The following SLC43A2 variants were observed in gnomAD, a reference collection of about 807,000 sequenced individuals.
SLC43A2 encodes solute carrier family 43 member 2, also known as large neutral amino acids transporter small subunit 4.
A neutral mutation model predicts 63.2 loss-of-function variants in SLC43A2; 38 were observed. That is an observed-to-expected ratio of 0.60 (90% CI 0.46 to 0.79). The LOEUF (loss-of-function observed/expected upper bound fraction) is 0.79, where lower values mean the gene tolerates loss of function less well. Ranked by LOEUF, SLC43A2 falls within the 30% of genes least tolerant of loss-of-function variation. SLC43A2 has a pLI of 0.00. For missense variants in SLC43A2, 644 were observed against 756.2 expected, an observed-to-expected ratio of 0.85 and a Z score of 1.74; for synonymous variants, 322 against 331.0, an observed-to-expected ratio of 0.97 and a Z score of 0.30.
intron 5 of SLC43A2, among the ~76,000 whole-genome samples, chr17:1,608,449 A>G (rs1267910421): frequency 6.6e-6 from 1 of 151,820 alleles, no homozygotes; most frequent in Non-Finnish European, 1.5e-5. Context: ...GCTGGAGTGC[A>G]GTGGTGCGAT....
In SLC43A2 at chr17:1,575,574, C is replaced by G; in HGVS notation, c.*30G>C. The G allele has an allele frequency of 6.2e-7, 1 of 1,613,918 alleles. No homozygotes were observed. The highest frequency in any genetic ancestry group is 8.5e-7 in the Non-Finnish European group (1 of 1,179,934). On this transcript the variant is annotated 3_prime_UTR_variant, in exon 14 of 14. Transcript: ENST00000301335. ...CAGGGGTCAGTCACTGAAGCACAGG[C>G]AGGAGACCGCAGTTCCGAGGCGGCA... is the stretch of plus-strand genomic sequence containing the variant.
chr17:1,620,865 A>G (rs1226825035), intron 2 of SLC43A2, among the ~76,000 whole-genome samples: 1 of 152,002 alleles, frequency 6.6e-6, no homozygotes, highest in Non-Finnish European at 1.5e-5. Flanking sequence ...AGCACCCAGG[A>G]AGTGCCAAGG....
At chr17:1,592,080 C>G (rs560887287) in intron 6 of SLC43A2, among the ~76,000 whole-genome samples, 2 of 152,264 alleles carry the variant, frequency 1.3e-5, no homozygotes, top group South Asian at 4.1e-4. Flanking sequence ...CGGCCAGCCC[C>G]GTCCACTGAT....
At chr17:1,584,589 G>A (rs181770176) in intron 10 of SLC43A2, among the ~76,000 whole-genome samples, 9 of 152,188 alleles carry the variant, frequency 5.9e-5, no homozygotes, top group Admixed American at 2.6e-4. Context: ...CGAGGCAAGC[G>A]GATCACAAGA....
chr17:1,586,928 T>TTGGCCCCCC, intron 9 of SLC43A2: 1 of 1,232,916 alleles, frequency 8.1e-7, no homozygotes, highest in Non-Finnish European at 1.1e-6. Flanking sequence ...TCCCTGACAA[T>TTGGCCCCCC]CCCCCCCACC....
chr17:1,575,643 G>C lies in SLC43A2; in HGVS notation c.1671C>G (p.Leu557=), dbSNP rs2075913457. ...CCTGGTTGGACGAGCCGTTGATTTT[G>C]AGGAAGAGTTTGTCATCCTCCTGCC... ...QQRQEDDKLF[L]KINGSSNQEA... is the part of the protein sequence containing the mutation. Residue 557 remains leucine (L), a synonymous_variant, in exon 14 of 14, where the codon CTC becomes CTG. Coordinates refer to ENST00000301335, the MANE Select transcript of SLC43A2 (RefSeq NM_152346.3). 7.4e-6 allele frequency: 12 copies of C among 1,614,052 alleles called. No homozygotes were observed. The highest frequency in any genetic ancestry group is 2.7e-5 in the African/African-American group (2 of 74,922).
intron 2 of SLC43A2, 123 bp from the exon 3 acceptor site, chr17:1,616,892 C>G: frequency 8.9e-7 from 1 of 1,124,830 alleles, no homozygotes; most frequent in South Asian, 1.5e-5. Context: ...GGCGGCCTCT[C>G]GAGGGCTCAG....
At chr17:1,628,037 C>A in intron 1 of SLC43A2, 117 bp from the exon 2 acceptor site, 1 of 1,064,178 alleles carries the variant, frequency 9.4e-7, no homozygotes, top group Non-Finnish European at 1.2e-6. Context: ...GCCGCGGCGG[C>A]CGGTGCGCGC....
chr17:1,618,772 G>A (rs1055047163), intron 2 of SLC43A2, among the ~76,000 whole-genome samples: 4 of 152,194 alleles, frequency 2.6e-5, no homozygotes, highest in African/African-American at 9.7e-5. Context: ...ATCGCCCGAG[G>A]TCAGGAGTTC....
chr17:1,627,652 ATCC>A, intron 2 of SLC43A2, 60 bp downstream of exon 2: 8 of 227,118 alleles, frequency 3.5e-5, no homozygotes, highest in Admixed American at 6.1e-5. Context: ...CTTCGCCCCC[ATCC>A]CGCCCCCTCC....
In SLC43A2 at chr17:1,605,402, G is replaced by A. The variant is rs531746246; in HGVS notation, c.501+7793C>T. ...CAAGGCCCTGGGACAGTGCGGGCGC[G>A]GGAGCTTCTCTAAGATGCCGGACGT... On this transcript the variant is annotated intron_variant, in intron 5 of 13. Transcript: ENST00000301335. The surrounding 1 kb of genome is among the most constrained non-coding windows in gnomAD (Gnocchi z 4.9). 24 of 206,270 alleles carry A rather than the reference G, an allele frequency of 1.2e-4. No homozygotes were observed. The highest frequency in any genetic ancestry group is 1.4e-4 in the Non-Finnish European group (16 of 116,980). The allele number at this position is 206,270 out of a possible 1,614,324, so 12.8% of individuals were successfully genotyped here. A position where few individuals can be genotyped will look rare whatever the true frequency, so the allele number is the denominator to read the frequency against.
At chr17:1,619,740 G>A (rs1404340941) in intron 2 of SLC43A2, among the ~76,000 whole-genome samples, 5 of 152,216 alleles carry the variant, frequency 3.3e-5, no homozygotes, top group Non-Finnish European at 7.3e-5. Context: ...GGGAAAGAGG[G>A]TCTCTACAAA....
intron 5 of SLC43A2, among the ~76,000 whole-genome samples, chr17:1,594,765 T>C (rs763882623): frequency 9.2e-5 from 14 of 151,688 alleles, no homozygotes; most frequent in Admixed American, 9.2e-4. Flanking sequence ...TTTTTTTGTA[T>C]TTTCAGTAGA....
chr17:1,628,036 G>T, intron 1 of SLC43A2, 116 bp from the exon 2 acceptor site: 1 of 1,061,780 alleles, frequency 9.4e-7, no homozygotes, highest in Non-Finnish European at 1.2e-6. Context: ...GGCCGCGGCG[G>T]CCGGTGCGCG....
intron 10 of SLC43A2, chr17:1,585,470 T>C (rs1272003479): frequency 2.6e-6 from 1 of 381,834 alleles, no homozygotes; most frequent in South Asian, 2.3e-5. Flanking sequence ...GGTCACTAAC[T>C]CCTGGGCTCA....
At chr17:1,604,165 C>T (rs530739767) in intron 5 of SLC43A2, among the ~76,000 whole-genome samples, 59 of 149,786 alleles carry the variant, frequency 3.9e-4, no homozygotes, top group Middle Eastern at 3.4e-3. Context: ...CTCAGCCTCC[C>T]GAGTAGCTGG....
At chr17:1,588,081 T>C (rs1451579464) in intron 9 of SLC43A2, among the ~76,000 whole-genome samples, 1 of 152,240 alleles carries the variant, frequency 6.6e-6, no homozygotes, top group African/African-American at 2.4e-5. Flanking sequence ...GAGGACAGCA[T>C]GGGCCACGTC....
intron 5 of SLC43A2, among the ~76,000 whole-genome samples, chr17:1,596,821 T>C (rs1269860331): frequency 6.6e-6 from 1 of 152,152 alleles, no homozygotes; most frequent in African/African-American, 2.4e-5. Flanking sequence ...GATATACAAA[T>C]GGCCAATAAG....
intron 3 of SLC43A2, among the ~76,000 whole-genome samples, chr17:1,615,431 A>C (rs1490672750): frequency 6.6e-6 from 1 of 151,184 alleles, no homozygotes; most frequent in Admixed American, 6.6e-5. Flanking sequence ...ATATTTTTGT[A>C]TATGTATTAT....
Sources: gnomAD v4.1 joint callset for allele counts (sites outside exome capture counted in the v4.1 genomes callset) on GRCh38, gnomAD v4.1.1 for gene constraint, Gnocchi (gnomAD v3.1) non-coding constraint, MANE v1.5 for transcripts, NCBI Gene and HGNC (gene_info 2026-07-23, HGNC 2026-07-21) for gene names.